Variants in SEM1 observed in about 807,000 individuals in gnomAD.
SEM1 encodes the protein 26S proteasome complex subunit SEM1.
In SEM1, 3 loss-of-function variants were observed where a neutral mutation model predicts 12.7. The ratio of observed to expected loss-of-function variants is 0.24; its 90% CI spans 0.11 to 0.61. The LOEUF is 0.61. Among genes scored for constraint, SEM1 ranks in the 20% least tolerant of loss-of-function variants. SEM1 has a pLI of 0.88. For missense variants in SEM1, 59 were observed against 81.3 expected (o/e 0.73, Z 1.06); for synonymous variants, 30 against 27.8 (o/e 1.08, Z -0.25).
chr7:96,496,995 G>A (rs556094866), upstream of SEM1, among the ~76,000 whole-genome samples: 17 of 143,814 alleles, frequency 1.2e-4, no homozygotes, highest in Admixed American at 3.4e-4. Flanking sequence ...ACACACATGC[G>A]CACGAGCACG....
At chr7:96,575,971 T>TAAC (rs1360522197) in intron 2 of SEM1, among the ~76,000 whole-genome samples, 6 of 152,352 alleles carry the variant, frequency 3.9e-5, no homozygotes, top group Non-Finnish European at 8.8e-5. Flanking sequence ...CATTTATCTT[T>TAAC]GTATATGTTA....
At chr7:96,538,517 CTT>C (rs897385051) in intron 2 of SEM1, among the ~76,000 whole-genome samples, 2 of 151,754 alleles carry the variant, frequency 1.3e-5, no homozygotes, top group African/African-American at 4.8e-5. Context: ...CCTCTAATGT[CTT>C]TGTTTTTTCC....
chr7:96,495,930 A>G (rs1046754915), intron 1 of SEM1, among the ~76,000 whole-genome samples: 1 of 152,104 alleles, frequency 6.6e-6, no homozygotes, highest in African/African-American at 2.4e-5. Context: ...CTACCTACAC[A>G]CATACACCAC....
At chr7:96,625,894 A>C (rs1426917083) in intron 2 of SEM1, among the ~76,000 whole-genome samples, 3 of 152,198 alleles carry the variant, frequency 2.0e-5, no homozygotes, top group African/African-American at 7.2e-5. Flanking sequence ...TTATGGGTAC[A>C]TAATATGTGT....
At chr7:96,536,731 T>C (rs1483062048) in intron 2 of SEM1, among the ~76,000 whole-genome samples, 1 of 151,850 alleles carries the variant, frequency 6.6e-6, no homozygotes, top group Non-Finnish European at 1.5e-5. Context: ...TTAATATAAC[T>C]ACTTCAGCTT....
chr7:96,546,410 A>C (rs961818143), intron 2 of SEM1, among the ~76,000 whole-genome samples: 4 of 152,128 alleles, frequency 2.6e-5, no homozygotes, highest in Non-Finnish European at 5.9e-5. Flanking sequence ...CATCTCTAGA[A>C]CTTGTGAAGT....
intron 1 of SEM1, among the ~76,000 whole-genome samples, chr7:96,490,049 A>G (rs1802942783): frequency 6.6e-6 from 1 of 152,166 alleles, no homozygotes; most frequent in Non-Finnish European, 1.5e-5. Flanking sequence ...TGACTTGACT[A>G]TAAGATCCCT....
intron 2 of SEM1, chr7:96,653,652 G>A (rs1266783480): frequency 6.6e-6 from 1 of 152,174 alleles, no homozygotes; most frequent in Non-Finnish European, 1.5e-5. Context: ...CACGTACTAT[G>A]CTAAGAATCA....
intron 2 of SEM1, among the ~76,000 whole-genome samples, chr7:96,639,396 C>T (rs949452227): frequency 3.3e-5 from 5 of 151,902 alleles, no homozygotes; most frequent in South Asian, 2.1e-4. Context: ...AAGAGATCAA[C>T]GAAACAGAAT....
intron 2 of SEM1, among the ~76,000 whole-genome samples, chr7:96,594,357 TC>T (rs1305015227): frequency 2.0e-5 from 3 of 151,868 alleles, no homozygotes; most frequent in Non-Finnish European, 4.4e-5. Flanking sequence ...CCCACTCTAT[TC>T]CCCATCCCAC....
At chr7:96,488,920 T>C (rs767137976) in intron 1 of SEM1, among the ~76,000 whole-genome samples, 16 of 151,996 alleles carry the variant, frequency 1.1e-4, no homozygotes, top group Non-Finnish European at 2.1e-4. Context: ...CTCAATGAAG[T>C]TTTTCATCTC....
chr7:96,481,730 A>G (rs1444755968), exon 4 of SEM1: 4 of 152,196 alleles, frequency 2.6e-5, no homozygotes, highest in Non-Finnish European at 5.9e-5. Context: ...TTCATTTCAT[A>G]TATGAACATT....
At chr7:96,491,519 A>G (rs1309534165) in intron 1 of SEM1, among the ~76,000 whole-genome samples, 1 of 152,204 alleles carries the variant, frequency 6.6e-6, no homozygotes, top group East Asian at 1.9e-4. Context: ...AAGATTCGTT[A>G]AGATAAAAAC....
intron 2 of SEM1, among the ~76,000 whole-genome samples, chr7:96,581,174 C>G (rs1333033539): frequency 1.3e-5 from 2 of 152,156 alleles, no homozygotes; most frequent in Non-Finnish European, 2.9e-5. Context: ...GATCCAGTTT[C>G]AGCTTTCTAC....
chr7:96,555,385 T>G (rs1012257054), intron 2 of SEM1, among the ~76,000 whole-genome samples: 2 of 151,384 alleles, frequency 1.3e-5, no homozygotes. Flanking sequence ...TTCTGGTATG[T>G]TGTGTCTTTG....
At chr7:96,698,498 G>T (rs1042298675) in intron 1 of SEM1, among the ~76,000 whole-genome samples, 2 of 152,066 alleles carry the variant, frequency 1.3e-5, no homozygotes, top group Non-Finnish European at 2.9e-5. Flanking sequence ...TTCCACTTAT[G>T]AGTGAGAACA....
chr7:96,565,624 TA>T (rs1396806050), intron 2 of SEM1, among the ~76,000 whole-genome samples: 1 of 151,904 alleles, frequency 6.6e-6, no homozygotes, highest in African/African-American at 2.4e-5. Flanking sequence ...TGTAATTTAA[TA>T]GTCTGAAGCT....
chr7:96,566,281 T>A (rs527843091), intron 2 of SEM1, among the ~76,000 whole-genome samples: 1 of 151,802 alleles, frequency 6.6e-6, no homozygotes, highest in East Asian at 1.9e-4. Context: ...AGAGATAATG[T>A]GCAAATACAA....
chr7:96,487,621 A>G (rs900542134), intron 1 of SEM1, among the ~76,000 whole-genome samples: 2 of 149,996 alleles, frequency 1.3e-5, no homozygotes, highest in Admixed American at 6.6e-5. Flanking sequence ...CCTGCATTTG[A>G]CAGTAAAGGA....
Sources: gnomAD v4.1 joint callset for allele counts (sites outside exome capture counted in the v4.1 genomes callset) on GRCh38, gnomAD v4.1.1 for gene constraint, MANE v1.5 for transcripts, NCBI Gene and HGNC (gene_info 2026-07-23, HGNC 2026-07-21) for gene names.